Variants in RAB7B observed in about 807,000 individuals in gnomAD.
RAB7B encodes ras-related protein Rab-7b.
At chr1:205,989,938 A>G (rs1223946016) in intron 4 of RAB7B, among the ~76,000 whole-genome samples, 3 of 152,032 alleles carry the variant, frequency 2.0e-5, no homozygotes, top group African/African-American at 7.3e-5. Context: ...AAGCTTCCTC[A>G]TGTTTCTTAA....
intron 1 of RAB7B, among the ~76,000 whole-genome samples, chr1:205,998,240 C>T (rs879065773): frequency 0.096 from 14,535 of 152,120 alleles, 2,344 homozygotes; most frequent in African/African-American, 0.33. Flanking sequence ...CCTGTAATCC[C>T]AGCTACTTAG....
chr1:205,986,342 A>C (rs1660608113), intron 4 of RAB7B, among the ~76,000 whole-genome samples: 2 of 152,342 alleles, frequency 1.3e-5, no homozygotes, highest in Admixed American at 6.5e-5. Flanking sequence ...CCTGTGAGAT[A>C]GGCATTATCA....
At chr1:205,980,196 A>AC (rs1412199756) in intron 5 of RAB7B, among the ~76,000 whole-genome samples, 2 of 151,312 alleles carry the variant, frequency 1.3e-5, no homozygotes, top group Admixed American at 6.6e-5. Context: ...CCCATCTCTC[A>AC]CCCCCCACCC....
At chr1:205,999,219 G>A (rs1367787983) in intron 1 of RAB7B, among the ~76,000 whole-genome samples, 1 of 152,182 alleles carries the variant, frequency 6.6e-6, no homozygotes, top group Non-Finnish European at 1.5e-5. Flanking sequence ...GACGAGGAAG[G>A]TAGAAGGTGT....
In RAB7B at chr1:205,977,186, A is replaced by T. The variant is rs925038201; in HGVS notation, c.*1665T>A. On this transcript the variant is annotated 3_prime_UTR_variant, in exon 6 of 6. Coordinates refer to ENST00000617070, the MANE Select transcript of RAB7B (RefSeq NM_001164522.3). ...TAGACAGAAAGATTCTGCAGTGGGC[A>T]TGGACTTGGCCATTGAAGACCCTGA... 90,222 of 151,988 alleles carry T rather than the reference A, an allele frequency of 0.59. 26,997 individuals carry two copies. The highest frequency in any genetic ancestry group is 0.63 in the Admixed American group (9,645 of 15,256). 9.4% of individuals were successfully genotyped at this position (151,988 alleles called of 1,614,324 possible).
At chr1:206,002,172 C>T (rs1166763268) in intron 1 of RAB7B, among the ~76,000 whole-genome samples, 1 of 152,176 alleles carries the variant, frequency 6.6e-6, no homozygotes. Flanking sequence ...TGAAAAGAGG[C>T]TATGTAGAGA....
rs1660386854 is a variant in RAB7B at position 205,976,922 on chromosome 1, G to C, written c.*1929C>G. ...CATGAGGGCGCATCATGTTTCCCAG[G>C]AGCTCTGAAGGACACAGATAGAGCT... is the stretch of plus-strand genomic sequence containing the variant. On this transcript the variant is annotated 3_prime_UTR_variant, in exon 6 of 6. Transcript: ENST00000617070. 1 of 152,148 alleles carries C rather than the reference G, an allele frequency of 6.6e-6. No individual in the cohort carries two copies. The highest frequency in any genetic ancestry group is 2.4e-5 in the African/African-American group (1 of 41,418). 9.4% of individuals were successfully genotyped at this position (152,148 alleles called of 1,614,324 possible). A position where few individuals can be genotyped will look rare whatever the true frequency, so the allele number is the denominator to read the frequency against.
intron 5 of RAB7B, among the ~76,000 whole-genome samples, chr1:205,982,954 C>T (rs1660522463): frequency 1.3e-5 from 2 of 152,116 alleles, no homozygotes; most frequent in African/African-American, 2.4e-5. Flanking sequence ...TTTATGTGAA[C>T]GTTTCTCCTG....
intron 5 of RAB7B, among the ~76,000 whole-genome samples, chr1:205,980,022 C>A (rs1448785011): frequency 6.6e-6 from 1 of 152,218 alleles, no homozygotes; most frequent in African/African-American, 2.4e-5. Context: ...TTGCCTCCTG[C>A]ACCTTGATGA....
intron 4 of RAB7B, among the ~76,000 whole-genome samples, chr1:205,989,227 G>C (rs1034391723): frequency 6.6e-6 from 1 of 151,910 alleles, no homozygotes; most frequent in Non-Finnish European, 1.5e-5. Context: ...CTTCCCCAGC[G>C]CCCCCTCTTG....
At chr1:205,984,409 C>T (rs965459297) in intron 5 of RAB7B, among the ~76,000 whole-genome samples, 8 of 152,210 alleles carry the variant, frequency 5.3e-5, no homozygotes, top group Admixed American at 2.6e-4. Flanking sequence ...ATGAGGGCGG[C>T]GGATGCTTCC....
At chr1:205,995,824 GT>G (rs1221623444) in intron 1 of RAB7B, among the ~76,000 whole-genome samples, 1 of 152,176 alleles carries the variant, frequency 6.6e-6, no homozygotes, top group Non-Finnish European at 1.5e-5. Context: ...GGTGACTATA[GT>G]TAACAACAAT....
intron 4 of RAB7B, among the ~76,000 whole-genome samples, chr1:205,986,298 A>G (rs923208489): frequency 9.9e-5 from 15 of 152,190 alleles, no homozygotes; most frequent in Non-Finnish European, 1.3e-4. Context: ...TAGTCACTTT[A>G]TCATATATGA....
intron 1 of RAB7B, among the ~76,000 whole-genome samples, chr1:205,997,400 T>C (rs1271603457): frequency 8.6e-5 from 13 of 151,906 alleles, no homozygotes; most frequent in Non-Finnish European, 2.9e-5. Context: ...AAGCATGTGG[T>C]TGGGGAGGGA....
chr1:205,995,624 T>C (rs1391314796), intron 1 of RAB7B, among the ~76,000 whole-genome samples: 1 of 152,182 alleles, frequency 6.6e-6, no homozygotes, highest in Non-Finnish European at 1.5e-5. Flanking sequence ...TTAAGTGAAA[T>C]AACCCAGGCA....
intron 4 of RAB7B, among the ~76,000 whole-genome samples, chr1:205,987,299 A>G (rs1366911933): frequency 6.6e-6 from 1 of 152,176 alleles, no homozygotes; most frequent in Admixed American, 6.5e-5. Flanking sequence ...CTGACTCTGA[A>G]AATAAGCTCA....
chr1:205,987,270 ATTAT>A (rs1660626966), intron 4 of RAB7B, among the ~76,000 whole-genome samples: 1 of 152,198 alleles, frequency 6.6e-6, no homozygotes, highest in Non-Finnish European at 1.5e-5. Context: ...TAAAATGAAA[ATTAT>A]TTATAACTTA....
At chr1:205,987,953 C>T (rs1434215641) in intron 4 of RAB7B, among the ~76,000 whole-genome samples, 1 of 151,898 alleles carries the variant, frequency 6.6e-6, no homozygotes, top group African/African-American at 2.4e-5. Flanking sequence ...CTATGCTGCC[C>T]AGGTTGGTCT....
chr1:205,983,371 C>T (rs1276963113), intron 5 of RAB7B, among the ~76,000 whole-genome samples: 1 of 152,128 alleles, frequency 6.6e-6, no homozygotes, highest in African/African-American at 2.4e-5. Context: ...TCACTTCTCC[C>T]AGCAGGCATC....
Sources: allele counts gnomAD v4.1 joint callset (sites outside exome capture counted in the v4.1 genomes callset), GRCh38; gene constraint gnomAD v4.1.1; transcripts MANE v1.5; gene names NCBI Gene and HGNC (gene_info 2026-07-23, HGNC 2026-07-21).